CFAP251: variants seen among roughly 807,000 people sequenced by gnomAD.
CFAP251 encodes cilia and flagella associated protein 251.
In CFAP251, 93 loss-of-function variants were observed where a neutral mutation model predicts 126.7. The ratio of observed to expected loss-of-function variants is 0.73; its 90% confidence interval spans 0.62 to 0.87. CFAP251 has a LOEUF of 0.87. CFAP251 is among the 40% of genes least tolerant of loss of function. CFAP251 has a pLI of 0.00. For synonymous variants in CFAP251, 503 were observed against 506.9 expected (o/e 0.99, Z 0.10); for missense variants, 1,287 against 1,389.2 (o/e 0.93, Z 1.17).
At chr12:121,921,792 CTTTTTT>C in intron 2 of CFAP251, 109 bp downstream of exon 2, 1 of 796,278 alleles carries the variant, frequency 1.3e-6, no homozygotes, top group Non-Finnish European at 1.8e-6. Context: ...CAATCCATTC[CTTTTTT>C]TTTTTTTTTG....
intron 14 of CFAP251, 31 bp downstream of exon 14, chr12:121,960,789 G>A (rs1255447296): frequency 1.5e-5 from 24 of 1,609,178 alleles, no homozygotes; most frequent in Non-Finnish European, 2.0e-5. Context: ...TGACCTGGTC[G>A]CCAAGACTGT....
chr12:121,992,232 T>C (rs1200134132), intron 19 of CFAP251: 1 of 985,306 alleles, frequency 1.0e-6, no homozygotes, highest in Non-Finnish European at 1.2e-6. Context: ...CCGAGGTTCC[T>C]CTCCCAAGCA....
intron 10 of CFAP251, among the ~76,000 whole-genome samples, chr12:121,955,531 G>T (rs527689232): frequency 2.4e-4 from 36 of 152,154 alleles, no homozygotes; most frequent in Non-Finnish European, 4.7e-4. Context: ...CATGCTTGGT[G>T]CAGGGGAACC....
chr12:121,964,782 C>T (rs1236603698), intron 15 of CFAP251, among the ~76,000 whole-genome samples: 1 of 152,176 alleles, frequency 6.6e-6, no homozygotes, highest in African/African-American at 2.4e-5. Context: ...CACCTGTAAT[C>T]CCAGCTACGT....
In CFAP251 at chr12:121,960,729, C is replaced by G. The variant is rs1275691597; in HGVS notation, c.2278C>G (p.Leu760Val). The G allele has an allele frequency of 7.4e-6, 12 of 1,613,726 alleles. No homozygotes were observed. Among genetic ancestry groups the G allele is most frequent in the Non-Finnish European group, 8.5e-6 (10 of 1,179,878 alleles). ...GVYLDSNEPRLLSLGTDRLLI... is the reference protein window; with the variant it reads ...GVYLDSNEPRVLSLGTDRLLI... ...TTACCTGGACAGCAATGAGCCTAGA[C>G]TGCTGAGCCTTGGGACAGACAGGCT... Residue 760 changes from leucine to valine, a missense_variant, in exon 14 of 22, where the codon CTG becomes GTG. Physicochemically the swap from Leu to Val is conservative, Grantham distance 32. Transcript: ENST00000288912.
chr12:121,944,628 G>GT, intron 7 of CFAP251, among the ~76,000 whole-genome samples: 1 of 152,136 alleles, frequency 6.6e-6, no homozygotes, highest in South Asian at 2.1e-4. Context: ...GGATTTTGTG[G>GT]TTTTTTGATG....
intron 19 of CFAP251, among the ~76,000 whole-genome samples, chr12:121,984,718 C>G (rs1882704613): frequency 6.6e-6 from 1 of 152,194 alleles, no homozygotes; most frequent in Non-Finnish European, 1.5e-5. Flanking sequence ...CAGTTCCATC[C>G]TCTATCTTTA....
intron 19 of CFAP251, among the ~76,000 whole-genome samples, chr12:121,982,778 G>A (rs765477911): frequency 1.3e-5 from 2 of 152,118 alleles, no homozygotes; most frequent in Admixed American, 6.5e-5. Flanking sequence ...TTGAGAAAGA[G>A]GGTGGGCACA....
chr12:121,955,653 C>T (rs1244105854), intron 10 of CFAP251: 1 of 152,196 alleles, frequency 6.6e-6, no homozygotes, highest in Non-Finnish European at 1.5e-5. Context: ...GGGCCATCTG[C>T]TTTCAAAATG....
At chr12:121,942,512 C>T in intron 5 of CFAP251, 22 bp from the exon 6 acceptor site, 2 of 1,576,850 alleles carry the variant, frequency 1.3e-6, no homozygotes, top group Non-Finnish European at 1.7e-6. Context: ...GCAAGTGTCG[C>T]CCCCCTTGTC....
intron 15 of CFAP251, among the ~76,000 whole-genome samples, chr12:121,965,227 T>G (rs1171177828): frequency 6.6e-6 from 1 of 152,164 alleles, no homozygotes; most frequent in Non-Finnish European, 1.5e-5. Context: ...AAGATGCAAA[T>G]GAAAACAAGA....
At chr12:121,922,324 G>A (rs1880218827) in intron 2 of CFAP251, among the ~76,000 whole-genome samples, 1 of 151,822 alleles carries the variant, frequency 6.6e-6, no homozygotes, top group African/African-American at 2.4e-5. Flanking sequence ...TGGCCAGGCT[G>A]GTCTCAAACT....
chr12:121,959,049 G>T lies in CFAP251; in HGVS notation c.2088G>T (p.Val696=). Residue 696 remains valine, a synonymous_variant, in exon 13 of 22, where the codon GTG becomes GTT. Coordinates refer to ENST00000288912, the MANE Select transcript of CFAP251 (RefSeq NM_144668.6). ...PEPFKYSRTS[V]THISFSHDSQ... is the part of the protein sequence containing the mutation. ...CTTTCAAATATTCCAGAACCAGTGT[G>T]ACTCATATAAGCTTTTCCCATGACT... The T allele has an allele frequency of 8.7e-6, 14 of 1,611,830 alleles. No homozygotes were observed. Among genetic ancestry groups the T allele is most frequent in the Non-Finnish European group, 1.2e-5 (14 of 1,179,440 alleles).
chr12:121,996,535 C>T (rs900575565), intron 19 of CFAP251, among the ~76,000 whole-genome samples: 4 of 152,136 alleles, frequency 2.6e-5, no homozygotes, highest in African/African-American at 4.8e-5. Flanking sequence ...TGACATAAGG[C>T]GTCCTGTGAG....
At chr12:121,937,085 G>A (rs1214017220) in intron 5 of CFAP251, among the ~76,000 whole-genome samples, 1 of 152,160 alleles carries the variant, frequency 6.6e-6, no homozygotes, top group Non-Finnish European at 1.5e-5. Flanking sequence ...TACTTTCCTT[G>A]GGCTGCTGTA....
At chr12:121,937,625 T>G (rs1425498855) in intron 5 of CFAP251, among the ~76,000 whole-genome samples, 3 of 151,978 alleles carry the variant, frequency 2.0e-5, no homozygotes, top group African/African-American at 7.2e-5. Flanking sequence ...TAGGGCCTGG[T>G]TGGGTAGGTG....
chr12:121,994,536 G>C (rs1181648536), intron 19 of CFAP251, among the ~76,000 whole-genome samples: 2 of 65,752 alleles, frequency 3.0e-5, no homozygotes, highest in African/African-American at 1.2e-4. Flanking sequence ...GTGGGGAAAA[G>C]ATTGAGAAAT....
At chr12:121,982,769 T>C (rs1055467170) in intron 19 of CFAP251, among the ~76,000 whole-genome samples, 2 of 152,138 alleles carry the variant, frequency 1.3e-5, no homozygotes, top group Non-Finnish European at 2.9e-5. Context: ...ACAAAATACT[T>C]GAGAAAGAGG....
At chr12:121,960,141 A>C (rs1012905913) in intron 13 of CFAP251, among the ~76,000 whole-genome samples, 3 of 152,154 alleles carry the variant, frequency 2.0e-5, no homozygotes, top group East Asian at 1.9e-4. Context: ...CTCAAAAAAA[A>C]CCCAAAAAAA....
Sources: gnomAD v4.1 joint callset for allele counts (sites outside exome capture counted in the v4.1 genomes callset) on GRCh38, gnomAD v4.1.1 for gene constraint, MANE v1.5 for transcripts, NCBI Gene and HGNC (gene_info 2026-07-23, HGNC 2026-07-21) for gene names.